The following ERCC6L2 variants were observed in gnomAD, a reference collection of about 807,000 sequenced individuals.
ERCC6L2 encodes ERCC excision repair 6 like 2, also known as DNA excision repair protein ERCC-6-like 2.
A neutral mutation model predicts 132.0 loss-of-function variants in ERCC6L2; 77 were observed. That is an observed-to-expected ratio of 0.58 (90% CI 0.49 to 0.71). The LOEUF (loss-of-function observed/expected upper bound fraction) is 0.71, where lower values mean the gene tolerates loss of function less well. Among genes scored for constraint, ERCC6L2 ranks in the 30% least tolerant of loss-of-function variants. ERCC6L2 has a pLI of 0.00. For missense variants in ERCC6L2, 1,542 were observed against 1,837.6 expected (o/e 0.84, Z 2.94); for synonymous variants, 583 against 632.4 (o/e 0.92, Z 1.17).
At chr9:95,924,163 A>G (rs1443247402) in intron 9 of ERCC6L2, among the ~76,000 whole-genome samples, 1 of 152,146 alleles carries the variant, frequency 6.6e-6, no homozygotes. Flanking sequence ...TTTTTGACAT[A>G]AAAAGAATAA....
chr9:96,037,944 G>T (rs980115351), intron 19 of ERCC6L2, among the ~76,000 whole-genome samples: 2 of 151,882 alleles, frequency 1.3e-5, no homozygotes, highest in African/African-American at 4.8e-5. Flanking sequence ...GCCATGTGGT[G>T]GCCCTTGACG....
chr9:95,877,733 G>T (rs982313791), intron 1 of ERCC6L2, among the ~76,000 whole-genome samples: 19 of 151,718 alleles, frequency 1.3e-4, no homozygotes, highest in Non-Finnish European at 1.9e-4. Flanking sequence ...CTGAGCTCAG[G>T]AGTTGGAGTT....
chr9:96,001,837 C>G (rs776514020), intron 17 of ERCC6L2, among the ~76,000 whole-genome samples: 1 of 152,214 alleles, frequency 6.6e-6, no homozygotes, highest in Admixed American at 6.5e-5. Context: ...TCAGGCATGG[C>G]GGGCTGCAGG....
intron 9 of ERCC6L2, among the ~76,000 whole-genome samples, chr9:95,925,577 C>T (rs1233360471): frequency 1.3e-5 from 2 of 152,186 alleles, no homozygotes; most frequent in Non-Finnish European, 2.9e-5. Context: ...TTGGAAATTT[C>T]TGGGATCTTA....
intron 20 of ERCC6L2, among the ~76,000 whole-genome samples, chr9:96,040,578 C>T (rs1834567035): frequency 6.6e-6 from 1 of 152,136 alleles, no homozygotes. Flanking sequence ...ACTAAGGTTC[C>T]TAAGTCCAGG....
In ERCC6L2 at chr9:96,025,203, C is replaced by T. The variant is rs574444849; in HGVS notation, c.*1504-13673C>T. On this transcript the variant is annotated intron_variant and NMD_transcript_variant, in intron 19 of 20. Transcript: ENST00000670016. ...GCTGGTTTCAGGTGTGGCGTGGTGT[C>T]GAAGCTCAAGGGACACCACCCACAC... Among the ~76,000 whole-genome samples, 75 of 152,268 alleles carry T rather than the reference C, an allele frequency of 4.9e-4. No homozygotes were observed. In the South Asian group the frequency reaches 5.2e-3, roughly 11 times the overall value.
chr9:95,895,139 T>C (rs1270398543), intron 2 of ERCC6L2, among the ~76,000 whole-genome samples: 1 of 152,226 alleles, frequency 6.6e-6, no homozygotes, highest in Non-Finnish European at 1.5e-5. Context: ...TTAGACTTCT[T>C]AAAATTTCCA....
chr9:95,932,146 C>T (rs1296840513), intron 11 of ERCC6L2, among the ~76,000 whole-genome samples: 3 of 151,736 alleles, frequency 2.0e-5, no homozygotes, highest in Non-Finnish European at 4.4e-5. Flanking sequence ...CTCACTGCAA[C>T]CTCCGCCTCC....
chr9:95,969,381 A>T (rs1295067756), intron 14 of ERCC6L2, among the ~76,000 whole-genome samples: 1 of 152,156 alleles, frequency 6.6e-6, no homozygotes, highest in Admixed American at 6.6e-5. Context: ...CAGCTGAGAG[A>T]TGATGTCGGC....
chr9:95,893,937 A>G (rs1205202321), intron 2 of ERCC6L2, among the ~76,000 whole-genome samples: 1 of 152,192 alleles, frequency 6.6e-6, no homozygotes, highest in African/African-American at 2.4e-5. Context: ...TAACTGATTA[A>G]TAGTCCCTCT....
rs1406182191 is a variant in ERCC6L2, at chr9:95,971,993, A to T, written c.2242A>T (p.Lys748Ter). The change falls in exon 16 of 19, where the codon AAG becomes TAG. Residue 748 changes from lysine to a stop codon, truncating the protein, a stop_gained. Transcript: ENST00000653738. LOFTEE classifies it high-confidence loss of function. Reference sequence around the variant, plus strand: ...AGAACAAGCTGCAGAGCCACTGGCAAAGGAAGCATGTGATCTCTGCAGTGA... The same window carrying T: ...AGAACAAGCTGCAGAGCCACTGGCATAGGAAGCATGTGATCTCTGCAGTGA... The part of the protein sequence containing the change: ...GTEQAAEPLA[K>*]EACDLCSDFS... The T allele has an allele frequency of 3.8e-6, 5 of 1,304,138 alleles. No individual in the cohort carries two copies. Among genetic ancestry groups the T allele is most frequent in the Non-Finnish European group, 5.1e-6 (5 of 988,896 alleles). The allele number at this position is 1,304,138 out of a possible 1,614,324, so 80.8% of individuals were successfully genotyped here. A position where few individuals can be genotyped will look rare whatever the true frequency, so the allele number is the denominator to read the frequency against.
intron 12 of ERCC6L2, among the ~76,000 whole-genome samples, chr9:95,950,039 G>A (rs115864528): frequency 0.18 from 26,865 of 150,904 alleles, 2,486 homozygotes; most frequent in South Asian, 0.28. Flanking sequence ...AAATCCTAAA[G>A]GGAGAACTTC....
Position 95,876,083 on chromosome 9 carries a change from A to G in ERCC6L2, c.45A>G (p.Lys15=), listed in dbSNP as rs1451749862. The G allele has an allele frequency of 6.3e-7, 1 of 1,576,414 alleles. No homozygotes were observed. The highest frequency in any genetic ancestry group is 8.6e-7 in the Non-Finnish European group (1 of 1,161,608). ...AGCCCCGCGCGGAAACCTCAGGCAA[A>G]GGTACCAGCTCCGCGCTCGCCCCTT... The part of the protein sequence containing the change: ...APQPRAETSG[K]DIWHPGERCL... The change falls in exon 1 of 19, where the codon AAA becomes AAG. Residue 15 remains lysine (K), a splice_region_variant and synonymous_variant. Coordinates refer to ENST00000653738, the MANE Select transcript of ERCC6L2 (RefSeq NM_020207.7).
downstream of ERCC6L2, among the ~76,000 whole-genome samples, chr9:96,019,247 C>A (rs986690319): frequency 2.0e-5 from 3 of 152,176 alleles, no homozygotes; most frequent in African/African-American, 2.4e-5. Flanking sequence ...CATATTTTCT[C>A]TTCTTTCCTA....
At chr9:95,962,573 C>T (rs1831958500) in intron 13 of ERCC6L2, among the ~76,000 whole-genome samples, 1 of 152,094 alleles carries the variant, frequency 6.6e-6, no homozygotes, top group Non-Finnish European at 1.5e-5. Context: ...TGTCTGAAGA[C>T]ATTTTTAAGT....
intron 19 of ERCC6L2, among the ~76,000 whole-genome samples, chr9:96,031,107 A>G (rs907256099): frequency 6.6e-6 from 1 of 152,198 alleles, no homozygotes; most frequent in African/African-American, 2.4e-5. Flanking sequence ...CACAATTTCC[A>G]AAGCACCTGC....
chr9:96,009,269 A>G (rs1326067409), intron 18 of ERCC6L2, among the ~76,000 whole-genome samples: 1 of 152,216 alleles, frequency 6.6e-6, no homozygotes, highest in African/African-American at 2.4e-5. Context: ...TTCAATCACT[A>G]TGTGCCTTAT....
intron 2 of ERCC6L2, among the ~76,000 whole-genome samples, chr9:95,886,510 T>C (rs1420962620): frequency 1.3e-5 from 2 of 152,192 alleles, no homozygotes; most frequent in African/African-American, 2.4e-5. Context: ...GAACTGTTAT[T>C]TTTTTCCTCT....
At position 96,018,324 on chromosome 9, in the gene ERCC6L2, T is replaced by C. The variant is rs14884; in HGVS notation, c.*5121T>C. 0.96 allele frequency among the ~76,000 whole-genome samples: 146,458 copies of C among 152,322 alleles called. 70,462 individuals carry two copies. The highest frequency in any genetic ancestry group is 1 in the East Asian group (5,189 of 5,192). ...ATGTGTGTTATATACCAAATTTTGATGTATGTGAGATTGCTGACTATATTT... is the reference window on the plus strand; with the variant it reads ...ATGTGTGTTATATACCAAATTTTGACGTATGTGAGATTGCTGACTATATTT... On this transcript the variant is annotated 3_prime_UTR_variant, in exon 19 of 19. Coordinates refer to ENST00000653738, the MANE Select transcript of ERCC6L2 (RefSeq NM_020207.7).
Sources: gnomAD v4.1 joint callset for allele counts (sites outside exome capture counted in the v4.1 genomes callset) on GRCh38, gnomAD v4.1.1 for gene constraint, MANE v1.5 for transcripts, NCBI Gene and HGNC (gene_info 2026-07-23, HGNC 2026-07-21) for gene names.